The following TRPC6 variants were observed in gnomAD, a reference collection of about 807,000 sequenced individuals.
TRPC6 encodes short transient receptor potential channel 6.
Under a neutral mutation model 90.7 loss-of-function variants are expected in TRPC6, and 55 were observed. The ratio of observed to expected loss-of-function variants is 0.61; its 90% CI spans 0.49 to 0.76. TRPC6 has a LOEUF of 0.76. TRPC6 is among the 30% of genes least tolerant of loss of function. The pLI is 0.00. For synonymous variants in TRPC6, 393 were observed against 393.0 expected (o/e 1.00, Z 0.00); for missense variants, 989 against 1,122.7 (o/e 0.88, Z 1.70).
intron 1 of TRPC6, among the ~76,000 whole-genome samples, chr11:101,531,649 C>G (rs967433300): frequency 1.1e-4 from 17 of 152,150 alleles, no homozygotes; most frequent in African/African-American, 4.1e-4. Context: ...CAATTTGAGG[C>G]GTTTTGTATT....
At chr11:101,516,690 C>T (rs1442098819) in intron 1 of TRPC6, among the ~76,000 whole-genome samples, 1 of 152,188 alleles carries the variant, frequency 6.6e-6, no homozygotes, top group Non-Finnish European at 1.5e-5. Context: ...TTATCTGGCT[C>T]CAGCTTCCCT....
chr11:101,560,647 G>A (rs1472992311), intron 1 of TRPC6, among the ~76,000 whole-genome samples: 1 of 139,440 alleles, frequency 7.2e-6, no homozygotes, highest in Non-Finnish European at 1.7e-5. Context: ...ATACTACAGT[G>A]TGATTAAAAA....
chr11:101,452,946 G>A lies in TRPC6; in HGVS notation c.*9C>T, dbSNP rs187970274. 2.6e-3 allele frequency: 4,171 copies of A among 1,613,534 alleles called. 6 individuals carry two copies. The highest frequency in any genetic ancestry group is 3.0e-3 in the Non-Finnish European group (3,546 of 1,179,568). Reference sequence around the variant, plus strand: ...CAAATAAATATGAATTTCTAAGGAAGTCTTCGCATTATCTATTGGTTTCCT... The same window carrying A: ...CAAATAAATATGAATTTCTAAGGAAATCTTCGCATTATCTATTGGTTTCCT... On this transcript the variant is annotated 3_prime_UTR_variant, in exon 13 of 13. Coordinates refer to ENST00000344327, the MANE Select transcript of TRPC6 (RefSeq NM_004621.6).
intron 1 of TRPC6, among the ~76,000 whole-genome samples, chr11:101,509,136 C>CTTTTT (rs1393768669): frequency 2.1e-5 from 1 of 47,806 alleles, no homozygotes; most frequent in African/African-American, 1.1e-4. Flanking sequence ...TTGTCTTTTT[C>CTTTTT]TTTTTTTTTT....
chr11:101,479,365 G>A (rs998486172), intron 5 of TRPC6, among the ~76,000 whole-genome samples: 3 of 152,186 alleles, frequency 2.0e-5, no homozygotes, highest in African/African-American at 4.8e-5. Flanking sequence ...CTTCAAGCAC[G>A]TCCTCCTCCC....
intron 1 of TRPC6, among the ~76,000 whole-genome samples, chr11:101,559,332 T>C (rs1861659421): frequency 1.3e-5 from 2 of 152,180 alleles, no homozygotes; most frequent in South Asian, 4.1e-4. Flanking sequence ...TCATAAATCA[T>C]AACAATACTT....
chr11:101,527,940 A>G (rs35770044), intron 1 of TRPC6, among the ~76,000 whole-genome samples: 33,594 of 151,782 alleles, frequency 0.22, 4,035 homozygotes, highest in East Asian at 0.46. Context: ...GGGCATAGTG[A>G]CGGGCACCTG....
chr11:101,545,311 GATTA>G (rs1400137441), intron 1 of TRPC6, among the ~76,000 whole-genome samples: 4 of 152,080 alleles, frequency 2.6e-5, no homozygotes, highest in African/African-American at 9.7e-5. Flanking sequence ...GTAATATAGA[GATTA>G]TTTATAGTAT....
chr11:101,499,504 C>A (rs1860036474), intron 2 of TRPC6, among the ~76,000 whole-genome samples: 1 of 149,072 alleles, frequency 6.7e-6, no homozygotes, highest in Admixed American at 6.7e-5. Context: ...TATATCCTAT[C>A]AACAAAGACT....
chr11:101,576,579 T>A (rs994930805), intron 1 of TRPC6, among the ~76,000 whole-genome samples: 10 of 152,196 alleles, frequency 6.6e-5, no homozygotes, highest in African/African-American at 2.4e-4. Flanking sequence ...TGAACACTTC[T>A]GCATGTATTG....
chr11:101,465,945 T>G (rs569019634), intron 10 of TRPC6, among the ~76,000 whole-genome samples: 1 of 152,224 alleles, frequency 6.6e-6, no homozygotes, highest in Non-Finnish European at 1.5e-5. Context: ...TGTGGATTTA[T>G]CTACCTTTCG....
intron 1 of TRPC6, among the ~76,000 whole-genome samples, chr11:101,507,020 C>T (rs914050137): frequency 1.3e-5 from 2 of 149,284 alleles, no homozygotes; most frequent in African/African-American, 5.1e-5. Context: ...CACACACACA[C>T]ACACACACAC....
chr11:101,458,598 G>A (rs1472916567), intron 10 of TRPC6, among the ~76,000 whole-genome samples: 1 of 152,172 alleles, frequency 6.6e-6, no homozygotes. Context: ...GTGACCTTTA[G>A]AGTTAAAGGA....
chr11:101,528,417 G>T (rs975689326), intron 1 of TRPC6, among the ~76,000 whole-genome samples: 1 of 152,082 alleles, frequency 6.6e-6, no homozygotes, highest in Non-Finnish European at 1.5e-5. Context: ...CACTGTCACT[G>T]CACAAAGCTT....
At chr11:101,516,357 T>G (rs1860522859) in intron 1 of TRPC6, among the ~76,000 whole-genome samples, 1 of 152,126 alleles carries the variant, frequency 6.6e-6, no homozygotes. Flanking sequence ...ATTTTAAGAT[T>G]AATAACAAAA....
intron 1 of TRPC6, among the ~76,000 whole-genome samples, chr11:101,571,122 C>T (rs999931293): frequency 6.6e-6 from 1 of 152,176 alleles, no homozygotes; most frequent in Non-Finnish European, 1.5e-5. Context: ...TAGAAAACCC[C>T]ATTGTCTCAG....
intron 1 of TRPC6, among the ~76,000 whole-genome samples, chr11:101,518,806 T>G (rs567700047): frequency 1.3e-5 from 2 of 152,238 alleles, no homozygotes; most frequent in African/African-American, 4.8e-5. Context: ...CATCAACAAA[T>G]GAATGGATGA....
chr11:101,532,575 G>A (rs2136800988), intron 1 of TRPC6, among the ~76,000 whole-genome samples: 1 of 152,296 alleles, frequency 6.6e-6, no homozygotes, highest in South Asian at 2.1e-4. Flanking sequence ...TGTCCAAGAG[G>A]TGGAAGTAAC....
At chr11:101,519,206 G>A (rs985810340) in intron 1 of TRPC6, among the ~76,000 whole-genome samples, 1 of 152,106 alleles carries the variant, frequency 6.6e-6, no homozygotes, top group Non-Finnish European at 1.5e-5. Flanking sequence ...TGAATTGTTT[G>A]TAACTCAAAG....
Sources: gnomAD v4.1 joint callset for allele counts (sites outside exome capture counted in the v4.1 genomes callset) on GRCh38, gnomAD v4.1.1 for gene constraint, MANE v1.5 for transcripts, NCBI Gene and HGNC (gene_info 2026-07-23, HGNC 2026-07-21) for gene names.